Variants in TYMS observed in about 807,000 individuals in gnomAD.
TYMS encodes thymidylate synthetase.
In TYMS, 21 loss-of-function variants were observed where a neutral mutation model predicts 39.3. The ratio of observed to expected loss-of-function variants is 0.54; its 90% CI spans 0.38 to 0.77. The LOEUF is 0.77. TYMS is among the 30% of genes least tolerant of loss of function. TYMS has a pLI of 0.00. For synonymous variants in TYMS, 171 were observed against 162.2 expected, an observed-to-expected ratio of 1.05 and a Z score of -0.41; for missense variants, 273 against 406.7, an observed-to-expected ratio of 0.67 and a Z score of 2.83.
Position 657,883 on chromosome 18 carries a change from G to T in TYMS, c.141G>T (p.Lys47Asn). 6.6e-7 allele frequency: 1 copy of T among 1,512,338 alleles called. No homozygotes were observed. Among genetic ancestry groups the T allele is most frequent in the Non-Finnish European group, 8.8e-7 (1 of 1,136,524 alleles). The allele number at this position is 1,512,338 out of a possible 1,614,324, so 93.7% of individuals were successfully genotyped here. Residue 47 changes from lysine (K) to asparagine (N), a missense_variant, in exon 1 of 7, where the codon AAG becomes AAT. Transcript: ENST00000323274. ...IQHILRCGVRKDDRTGTGTLS... is the reference protein window; with the variant it reads ...IQHILRCGVRNDDRTGTGTLS... The stretch of plus-strand genomic sequence containing the variant: ...ACATCCTCCGCTGCGGCGTCAGGAA[G>T]GACGACCGCACGGGCACCGGCACCC...
At position 660,978 on chromosome 18, in the gene TYMS, G is replaced by GT. The variant is rs2144261569; in HGVS notation, c.280-1167dup. On this transcript the variant is annotated intron_variant, in intron 2 of 6. Transcript: ENST00000323274. The surrounding 1 kb of genome is among the most constrained non-coding windows in gnomAD (Gnocchi z 4.6). ...CTGTATTCTTGGGGTATTTTGTTCT[G>GT]TATTGGCCTATCTTGACTAACAATG... Among the ~76,000 whole-genome samples, 1 of 152,276 alleles carries GT rather than the reference G, an allele frequency of 6.6e-6. No individual in the cohort carries two copies. Among genetic ancestry groups the GT allele is most frequent in the African/African-American group, 2.4e-5 (1 of 41,568 alleles).
At chr18:659,617 A>G (rs780011134) in intron 1 of TYMS, 24 bp from the exon 2 acceptor site, 41 of 1,607,498 alleles carry the variant, frequency 2.6e-5, no homozygotes, top group Non-Finnish European at 3.5e-5. Flanking sequence ...CCATCTTGAA[A>G]CCGTATGGCA....
chr18:659,730 C>T lies in TYMS; in HGVS notation c.279+16C>T, dbSNP rs2074737336. ...GTTTATCAAGGTAAAGAAGTCGCTG[C>T]TATTAGAAGTCAGTAGTCTGTTCTC... is the stretch of plus-strand genomic sequence containing the variant. On this transcript the variant is annotated intron_variant, in intron 2 of 6. Coordinates refer to ENST00000323274, the MANE Select transcript of TYMS (RefSeq NM_001071.4). The T allele has an allele frequency of 6.2e-7, 1 of 1,604,562 alleles. No individual in the cohort carries two copies. The highest frequency in any genetic ancestry group is 8.5e-7 in the Non-Finnish European group (1 of 1,171,234).
At position 669,366 on chromosome 18, in the gene TYMS, A is replaced by ATTTTT. The variant is rs68090938; in HGVS notation, c.556+213_556+217dup. The ATTTTT allele has an allele frequency of 5.2e-3, 1,004 of 192,104 alleles. 12 individuals are homozygous for ATTTTT. Among genetic ancestry groups the ATTTTT allele is most frequent in the African/African-American group, 6.8e-3 (165 of 24,104 alleles). The allele number at this position is 192,104 out of a possible 1,614,324, so 11.9% of individuals were successfully genotyped here. A position where few individuals can be genotyped will look rare whatever the true frequency, so the allele number is the denominator to read the frequency against. ...CAGATCATGAGGTTGGGCCCAGAGGATTTTTTTTTTTTTTTTTTTTTTTTG... is the reference window on the plus strand; with the variant it reads ...CAGATCATGAGGTTGGGCCCAGAGGATTTTTTTTTTTTTTTTTTTTTTTTTTTTTG... On this transcript the variant is annotated intron_variant, in intron 4 of 6. Coordinates refer to ENST00000323274, the MANE Select transcript of TYMS (RefSeq NM_001071.4).
At chr18:661,914 G>A (rs931155509) in intron 2 of TYMS, among the ~76,000 whole-genome samples, 2 of 152,264 alleles carry the variant, frequency 1.3e-5, no homozygotes, top group African/African-American at 4.8e-5. Flanking sequence ...GAACCTGGGA[G>A]GTGGAGGGTG....
chr18:659,528 G>A, intron 1 of TYMS, 113 bp from the exon 2 acceptor site: 1 of 884,840 alleles, frequency 1.1e-6, no homozygotes, highest in Non-Finnish European at 1.9e-6. Flanking sequence ...GGGAGTCTAG[G>A]CTTTCTGGAT....
chr18:661,760 C>T (rs754003581), intron 2 of TYMS, among the ~76,000 whole-genome samples: 19 of 152,084 alleles, frequency 1.2e-4, no homozygotes, highest in Non-Finnish European at 2.5e-4. Context: ...CCGAAGTGGG[C>T]GGATCACCTG....
At chr18:659,311 C>T (rs1177074463) in intron 1 of TYMS, among the ~76,000 whole-genome samples, 1 of 152,136 alleles carries the variant, frequency 6.6e-6, no homozygotes, top group Non-Finnish European at 1.5e-5. Context: ...GTCTTCACAC[C>T]TTTGTGACAG....
At position 662,280 on chromosome 18, in the gene TYMS, G is replaced by C; in HGVS notation, c.414G>C (p.Gln138His). The change falls in exon 3 of 7, where the codon CAG (glutamine) becomes CAC (histidine). Residue 138 changes from glutamine (Q) to histidine (H), a missense_variant. Physicochemically the swap from Gln to His is conservative, Grantham distance 24. Transcript: ENST00000323274. ...EGDLGPVYGF[Q>H]WRHFGAEYRD... ...ACTTGGGCCCAGTTTATGGCTTCCA[G>C]TGGAGGCATTTTGGGGCAGAATACA... 1 of 1,613,772 alleles carries C rather than the reference G, an allele frequency of 6.2e-7. No individual in the cohort carries two copies. The highest frequency in any genetic ancestry group is 8.5e-7 in the Non-Finnish European group (1 of 1,179,916).
At position 662,184 on chromosome 18, in the gene TYMS, G is replaced by A. The variant is rs1343561206; in HGVS notation, c.318G>A (p.Val106=). ...TNAKELSSKG[V]KIWDANGSRD... ...CTAAAGAGCTGTCTTCCAAGGGAGT[G>A]AAAATCTGGGATGCCAATGGATCCC... Residue 106 remains valine, a synonymous_variant, in exon 3 of 7, where the codon GTG becomes GTA. Transcript: ENST00000323274. 2 of 1,613,750 alleles carry A rather than the reference G, an allele frequency of 1.2e-6. No homozygotes were observed. Among genetic ancestry groups the A allele is most frequent in the Non-Finnish European group, 1.7e-6 (2 of 1,179,886 alleles).
chr18:664,549 A>G (rs1414529920), intron 3 of TYMS, among the ~76,000 whole-genome samples: 3 of 135,692 alleles, frequency 2.2e-5, no homozygotes, highest in Non-Finnish European at 4.7e-5. Context: ...AACTTCCAAC[A>G]CTATGTTGAA....
Position 660,307 on chromosome 18 carries a change from A to C in TYMS, c.279+593A>C, listed in dbSNP as rs1044318036. On this transcript the variant is annotated intron_variant, in intron 2 of 6. Coordinates refer to ENST00000323274, the MANE Select transcript of TYMS (RefSeq NM_001071.4). The surrounding 1 kb of genome is among the most constrained non-coding windows in gnomAD (Gnocchi z 4.6). ...ACTTGGCTTCTTCCTTTGAGTCTCT[A>C]CTCCACTCGGGCAAGCCTTCCTAGA... Among the ~76,000 whole-genome samples the C allele has an allele frequency of 6.6e-6, 1 of 151,508 alleles. No homozygotes were observed. The highest frequency in any genetic ancestry group is 1.5e-5 in the Non-Finnish European group (1 of 67,884).
At position 666,981 on chromosome 18, in the gene TYMS, AGATGGTGATGGT is replaced by A. The variant is rs1458799324; in HGVS notation, c.455-2085_455-2074del. Among the ~76,000 whole-genome samples the A allele has an allele frequency of 9.4e-4, 8 of 8,550 alleles. 2 individuals are homozygous for A. The highest frequency in any genetic ancestry group is 0.01 in the South Asian group (2 of 196). The allele number at this position is 8,550 out of a possible 152,430, so 5.6% of individuals were successfully genotyped here. On this transcript the variant is annotated intron_variant, in intron 3 of 6. Transcript: ENST00000323274. ...GAGATGGAGATGGTGATGGAGATGGAGATGGTGATGGTGATGGAGATGGTGATGGTGATGGAG... is the reference window on the plus strand; with the variant it reads ...GAGATGGAGATGGTGATGGAGATGGAGATGGAGATGGTGATGGTGATGGAG...
chr18:659,585 T>C (rs2074735200), intron 1 of TYMS, 56 bp from the exon 2 acceptor site: 3 of 1,472,048 alleles, frequency 2.0e-6, no homozygotes, highest in Non-Finnish European at 2.9e-6. Context: ...CTGAAGAAAG[T>C]TGGATGGCAT....
Position 670,800 on chromosome 18 carries a change from G to A in TYMS, c.665G>A (p.Gly222Asp). Residue 222 changes from glycine (G) to aspartate (D), a missense_variant, in exon 5 of 7, where the codon GGT (glycine) becomes GAT (aspartate). Gly to Asp is a moderately conservative substitution (Grantham distance 94). This residue lies in a region of TYMS where 228 missense variants were observed against 326.1 expected (regional missense o/e 0.70). Coordinates refer to ENST00000323274, the MANE Select transcript of TYMS (RefSeq NM_001071.4). ...LYQRSGDMGL[G>D]VPFNIASYAL... ...CAGAGATCGGGAGACATGGGCCTCG[G>A]TGTGCCTTTCAACATCGCCAGCTAC... The A allele has an allele frequency of 6.2e-7, 1 of 1,614,134 alleles. No homozygotes were observed. Among genetic ancestry groups the A allele is most frequent in the Non-Finnish European group, 8.5e-7 (1 of 1,180,032 alleles).
intron 6 of TYMS, 193 bp downstream of exon 6, chr18:671,644 T>TA (rs769854344): frequency 1.1e-5 from 7 of 614,660 alleles, no homozygotes; most frequent in Admixed American, 3.2e-5. Context: ...CATGGGCACT[T>TA]AACATGTCAG....
At chr18:668,514 G>A (rs1192554485) in intron 3 of TYMS, among the ~76,000 whole-genome samples, 1 of 152,190 alleles carries the variant, frequency 6.6e-6, no homozygotes, top group Non-Finnish European at 1.5e-5. Context: ...CAAGTCAGTC[G>A]TGTGTTGAGC....
intron 6 of TYMS, 197 bp downstream of exon 6, chr18:671,648 A>AAT (rs1567996084): frequency 1.7e-6 from 1 of 602,426 alleles, no homozygotes; most frequent in East Asian, 2.9e-5. Context: ...GGCACTTAAC[A>AAT]TGTCAGGTGC....
In TYMS at chr18:662,212, G is replaced by C; in HGVS notation, c.346G>C (p.Asp116His). Reference protein sequence around the residue: ...VKIWDANGSRDFLDSLGFSTR... With the variant: ...VKIWDANGSRHFLDSLGFSTR... ...AATCTGGGATGCCAATGGATCCCGA[G>C]ACTTTTTGGACAGCCTGGGATTCTC... The change falls in exon 3 of 7, where the codon GAC becomes CAC. Residue 116 changes from aspartate (D) to histidine (H), a missense_variant. By Grantham distance (81) the Asp-to-His change is moderately conservative. Around this residue, in one of 3 missense-constraint regions of TYMS, gnomAD observed 228 missense variants for 326.1 expected, o/e 0.70. Coordinates refer to ENST00000323274, the MANE Select transcript of TYMS (RefSeq NM_001071.4). The C allele has an allele frequency of 6.2e-7, 1 of 1,614,092 alleles. No homozygotes were observed. Among genetic ancestry groups the C allele is most frequent in the Non-Finnish European group, 8.5e-7 (1 of 1,180,000 alleles).
Sources: gnomAD v4.1 joint callset for allele counts (sites outside exome capture counted in the v4.1 genomes callset) on GRCh38, gnomAD v4.1.1 for gene constraint, gnomAD v4.1.1 regional missense constraint, Gnocchi (gnomAD v3.1) non-coding constraint, MANE v1.5 for transcripts, NCBI Gene and HGNC (gene_info 2026-07-23, HGNC 2026-07-21) for gene names.